The following ENG variants were observed in gnomAD, a reference collection of about 807,000 sequenced individuals.
ENG encodes the protein CD105 antigen.
ENG carries 17 observed loss-of-function variants against 71.0 expected under a neutral mutation model. The observed-to-expected ratio is 0.24, with a 90% CI of 0.16 to 0.36. The LOEUF (loss-of-function observed/expected upper bound fraction) is 0.36. Ranked by LOEUF, ENG falls within the 10% of genes least tolerant of loss-of-function variation. The pLI is 1.00. For synonymous variants in ENG, 360 were observed against 366.9 expected (o/e 0.98, Z 0.21); for missense variants, 749 against 868.3 (o/e 0.86, Z 1.73).
At chr9:127,826,781 AAG>A in intron 3 of ENG, 109 bp from the exon 4 acceptor site, 1 of 1,416,776 alleles carries the variant, frequency 7.1e-7, no homozygotes, top group Non-Finnish European at 9.6e-7. Context: ...GGCTGAGAGA[AAG>A]AGGCCGGAGC....
intron 1 of ENG, among the ~76,000 whole-genome samples, chr9:127,845,738 C>T (rs1831154952): frequency 6.6e-6 from 1 of 152,142 alleles, no homozygotes; most frequent in Admixed American, 6.6e-5. Context: ...ACAAGGTTGC[C>T]CTCTGTCTCC....
chr9:127,820,017 C>G lies in ENG; in HGVS notation c.1155G>C (p.Thr385=). The part of the protein sequence containing the change: ...ELVAHLKCTI[T]GLTFWDPSCE... ...AGCTGGGGTCCCAGAAGGTCAGGCC[C>G]GTGATGGTGCACTTCAAATGCTGGG... Residue 385 remains threonine (T), a synonymous_variant, in exon 9 of 15, where the codon ACG becomes ACC. Transcript: ENST00000373203. 1.2e-6 allele frequency: 2 copies of G among 1,614,060 alleles called. No homozygotes were observed. The highest frequency in any genetic ancestry group is 1.7e-6 in the Non-Finnish European group (2 of 1,180,024).
intron 7 of ENG, 60 bp downstream of exon 7, chr9:127,824,740 A>T: frequency 7.0e-7 from 1 of 1,425,788 alleles, no homozygotes. Context: ...CTTCACCAAC[A>T]GTGTGGCCAC....
chr9:127,834,571 G>T (rs1318482351), intron 2 of ENG, among the ~76,000 whole-genome samples: 3 of 152,078 alleles, frequency 2.0e-5, no homozygotes, highest in African/African-American at 7.2e-5. Flanking sequence ...CGCCTGGCTA[G>T]TTTTTGTATT....
At chr9:127,843,299 A>C in intron 1 of ENG, 54 bp from the exon 2 acceptor site, 1 of 1,612,410 alleles carries the variant, frequency 6.2e-7, no homozygotes, top group Non-Finnish European at 8.5e-7. Context: ...GATGACAATG[A>C]CTCCTACTTT....
chr9:127,835,552 C>T (rs894693521), intron 2 of ENG, among the ~76,000 whole-genome samples: 10 of 152,142 alleles, frequency 6.6e-5, no homozygotes, highest in South Asian at 2.1e-4. Flanking sequence ...GACATCCATC[C>T]GCCATCCCAT....
intron 2 of ENG, among the ~76,000 whole-genome samples, chr9:127,831,836 C>T (rs1336194343): frequency 2.0e-5 from 3 of 151,542 alleles, no homozygotes; most frequent in Non-Finnish European, 2.9e-5. Context: ...GGACTACAGG[C>T]GTGTGCCACC....
intron 10 of ENG, among the ~76,000 whole-genome samples, 169 bp from the exon 11 acceptor site, chr9:127,819,001 G>A (rs1024753032): frequency 6.6e-6 from 1 of 151,158 alleles, no homozygotes; most frequent in Non-Finnish European, 1.5e-5. Flanking sequence ...GCAGTGGTGC[G>A]ATCTCAGCTC....
chr9:127,830,203 G>A (rs1038853343), intron 2 of ENG, among the ~76,000 whole-genome samples: 1 of 151,704 alleles, frequency 6.6e-6, no homozygotes, highest in African/African-American at 2.4e-5. Context: ...TTAGCCAGGC[G>A]TGGTGGTGGG....
chr9:127,842,419 T>A (rs1047639259), intron 2 of ENG, among the ~76,000 whole-genome samples: 75 of 151,358 alleles, frequency 5.0e-4, no homozygotes, highest in Middle Eastern at 3.4e-3. Context: ...ATTTTATTTT[T>A]ATTTTTTTAT....
intron 8 of ENG, among the ~76,000 whole-genome samples, chr9:127,823,128 C>T (rs975361027): frequency 6.6e-6 from 1 of 151,944 alleles, no homozygotes; most frequent in African/African-American, 2.4e-5. Context: ...GTGTGAGCCA[C>T]TGTGCCTGGC....
intron 8 of ENG, among the ~76,000 whole-genome samples, chr9:127,822,846 T>G (rs572498111): frequency 9.2e-5 from 14 of 152,328 alleles, no homozygotes; most frequent in African/African-American, 3.4e-4. Context: ...GCATGTTTTT[T>G]GTTTGTTTGT....
intron 2 of ENG, among the ~76,000 whole-genome samples, chr9:127,830,142 G>A (rs902259629): frequency 1.3e-5 from 2 of 151,900 alleles, no homozygotes; most frequent in African/African-American, 4.8e-5. Flanking sequence ...AGGAGTTGGA[G>A]ACCAGCCTGA....
chr9:127,825,015 C>T, intron 6 of ENG, 41 bp from the exon 7 acceptor site: 1 of 1,602,866 alleles, frequency 6.2e-7, no homozygotes, highest in Non-Finnish European at 8.5e-7. Context: ...GCCATGGACA[C>T]AGTCTGTGCC....
In ENG at chr9:127,829,842, G is replaced by A. The variant is rs779330198; in HGVS notation, c.220-15C>T. 1 of 1,613,762 alleles carries A rather than the reference G, an allele frequency of 6.2e-7. No individual in the cohort carries two copies. The highest frequency in any genetic ancestry group is 8.5e-7 in the Non-Finnish European group (1 of 1,180,020). On this transcript the variant is annotated splice_polypyrimidine_tract_variant and intron_variant, in intron 2 of 14. Transcript: ENST00000373203. ...TGTGACGGGCCCTGGGGGACACAGAGGAGAGACACACACAGTCCAGTCAGA... is the reference window on the plus strand; with the variant it reads ...TGTGACGGGCCCTGGGGGACACAGAAGAGAGACACACACAGTCCAGTCAGA...
At chr9:127,827,510 TG>T (rs1313563329) in intron 3 of ENG, among the ~76,000 whole-genome samples, 1 of 152,164 alleles carries the variant, frequency 6.6e-6, no homozygotes, top group African/African-American at 2.4e-5. Flanking sequence ...AGAGTGACTC[TG>T]GAAAGCTGAA....
In ENG at chr9:127,843,082, TG is replaced by T; in HGVS notation, c.219+11del. ...TCTGAGCCCCCACCCGACCCTGCCA[TG>T]GGACACTCACCGTTGGGAACTCCAG... is the stretch of plus-strand genomic sequence containing the variant. On this transcript the variant is annotated intron_variant, in intron 2 of 14. Transcript: ENST00000373203. The T allele has an allele frequency of 6.2e-7, 1 of 1,613,872 alleles. No individual in the cohort carries two copies. Among genetic ancestry groups the T allele is most frequent in the Non-Finnish European group, 8.5e-7 (1 of 1,179,918 alleles).
chr9:127,842,175 C>T (rs1831049667), intron 2 of ENG, among the ~76,000 whole-genome samples: 1 of 151,706 alleles, frequency 6.6e-6, no homozygotes, highest in African/African-American at 2.4e-5. Flanking sequence ...AGGGGACATT[C>T]CAGGGAGAAA....
chr9:127,854,442 G>T lies in ENG; in HGVS notation c.-87C>A. On this transcript the variant is annotated 5_prime_UTR_variant, in exon 1 of 15. Coordinates refer to ENST00000373203, the MANE Select transcript of ENG (RefSeq NM_001114753.3). ...CGGGCACCGGGGCCGGCGTGGGCTC[G>T]CACGGGGACCCGAGGGGAGCAGGCG... The T allele has an allele frequency of 5.6e-6, 8 of 1,437,796 alleles. No homozygotes were observed. Among genetic ancestry groups the T allele is most frequent in the Middle Eastern group, 2.2e-4 (1 of 4,560 alleles). The allele number at this position is 1,437,796 out of a possible 1,614,324, so 89.1% of individuals were successfully genotyped here. A position where few individuals can be genotyped will look rare whatever the true frequency, so the allele number is the denominator to read the frequency against.
Sources: gnomAD v4.1 joint callset for allele counts (sites outside exome capture counted in the v4.1 genomes callset) on GRCh38, gnomAD v4.1.1 for gene constraint, MANE v1.5 for transcripts, NCBI Gene and HGNC (gene_info 2026-07-23, HGNC 2026-07-21) for gene names.